The following PCNX4 variants were observed in gnomAD, a reference collection of about 807,000 sequenced individuals.
PCNX4 encodes pecanex 4.
Under a neutral mutation model 107.2 loss-of-function variants are expected in PCNX4, and 103 were observed. That is an observed-to-expected ratio of 0.96 (90% CI 0.82 to 1.13). PCNX4 has a LOEUF of 1.13. Among genes scored for constraint, PCNX4 ranks in the 50% most tolerant of loss-of-function variants. PCNX4 has a pLI of 0.00. For missense variants in PCNX4, 1,528 were observed against 1,379.4 expected (o/e 1.11, Z -1.71); for synonymous variants, 541 against 481.7 (o/e 1.12, Z -1.61).
At position 60,121,198 on chromosome 14, in the gene PCNX4, C is replaced by G; in HGVS notation, c.1945C>G (p.Leu649Val). The part of the protein sequence containing the change: ...QTAMAAGSLG[L>V]LLPGSHYLGR... ...TTTTTTTTTCTAATTTGTTGTAGGT[C>G]TCCTCCTACCTGGATCTCATTACTT... Residue 649 changes from leucine (L) to valine (V), a missense_variant and splice_region_variant, in exon 8 of 11, where the codon CTC becomes GTC. Transcript: ENST00000406854. 8.3e-7 allele frequency: 1 copy of G among 1,207,848 alleles called. No homozygotes were observed. Among genetic ancestry groups the G allele is most frequent in the Non-Finnish European group, 1.1e-6 (1 of 897,250 alleles). 74.8% of individuals were successfully genotyped at this position (1,207,848 alleles called of 1,614,324 possible).
At chr14:60,125,309 T>TAGAA in intron 9 of PCNX4, 58 bp downstream of exon 9, 1 of 1,377,750 alleles carries the variant, frequency 7.3e-7, no homozygotes, top group Non-Finnish European at 9.6e-7. Flanking sequence ...CTGATTTTTC[T>TAGAA]AAATCACGTA....
chr14:60,118,767 A>C, intron 7 of PCNX4, 75 bp downstream of exon 7: 2 of 1,428,728 alleles, frequency 1.4e-6, no homozygotes, highest in Non-Finnish European at 1.8e-6. Context: ...ACAGGAAAAC[A>C]ATCTTTTTAT....
At chr14:60,100,265 C>T (rs1053610856) in intron 1 of PCNX4, among the ~76,000 whole-genome samples, 1 of 152,084 alleles carries the variant, frequency 6.6e-6, no homozygotes, top group African/African-American at 2.4e-5. Context: ...CACACACACA[C>T]GCCCCCAAAC....
In PCNX4 at chr14:60,145,773, CTT is replaced by C. The variant is rs761746905; in HGVS notation, c.*11555_*11556del. The C allele has an allele frequency of 1.5e-4, 23 of 152,194 alleles. No individual in the cohort carries two copies. Among genetic ancestry groups the C allele is most frequent in the Non-Finnish European group, 3.1e-4 (21 of 67,996 alleles). 9.4% of individuals were successfully genotyped at this position (152,194 alleles called of 1,614,324 possible). A position where few individuals can be genotyped will look rare whatever the true frequency, so the allele number is the denominator to read the frequency against. ...TGATAATCCCCAAGATGTGATGTTT[CTT>C]TTCAGAAGATATGCATTTACCACTT... On this transcript the variant is annotated 3_prime_UTR_variant, in exon 11 of 11. Coordinates refer to ENST00000406854, the MANE Select transcript of PCNX4 (RefSeq NM_001330177.2). This position sits in a 1 kb window ranked among gnomAD's most constrained non-coding sequence, Gnocchi z 4.0.
chr14:60,107,499 G>A (rs747562121), intron 1 of PCNX4, 87 bp from the exon 2 acceptor site: 20 of 709,526 alleles, frequency 2.8e-5, no homozygotes, highest in Non-Finnish European at 4.6e-5. Flanking sequence ...AAGGAAGTGA[G>A]GAGATGAAAT....
Position 60,108,202 on chromosome 14 carries a change from A to C in PCNX4, c.564A>C (p.Glu188Asp). ...FFGWMTLCIA[E>D]YSLIVNTATE... is the part of the protein sequence containing the mutation. ...GATGGATGACACTATGTATAGCAGA[A>C]TATTCTTTAATTGTAAACACAGCTA... Residue 188 changes from glutamate (E) to aspartate (D), a missense_variant, in exon 2 of 11, where the codon GAA (glutamate) becomes GAC (aspartate). Physicochemically the swap from Glu to Asp is conservative, Grantham distance 45 (BLOSUM62 2). Coordinates refer to ENST00000406854, the MANE Select transcript of PCNX4 (RefSeq NM_001330177.2). 2 of 1,612,840 alleles carry C rather than the reference A, an allele frequency of 1.2e-6. No individual in the cohort carries two copies. Among genetic ancestry groups the C allele is most frequent in the Non-Finnish European group, 1.7e-6 (2 of 1,179,818 alleles).
intron 8 of PCNX4, among the ~76,000 whole-genome samples, chr14:60,123,068 T>G (rs558128094): frequency 1.3e-5 from 2 of 152,180 alleles, no homozygotes; most frequent in East Asian, 1.9e-4. Flanking sequence ...CACCTACAGA[T>G]TGAGAACCTC....
chr14:60,118,415 A>G lies in PCNX4; in HGVS notation c.1665A>G (p.Lys555=). 6.2e-7 allele frequency: 1 copy of G among 1,613,528 alleles called. No homozygotes were observed. ...VTVLLTSWTE[K]KQRRKTTATL... Reference sequence around the variant, plus strand: ...TGCTTTTGACATCATGGACAGAGAAAAAACAACGTCGAAAAACAACTGCCA... The same window carrying G: ...TGCTTTTGACATCATGGACAGAGAAGAAACAACGTCGAAAAACAACTGCCA... The change falls in exon 7 of 11, where the codon AAA becomes AAG. Residue 555 remains lysine (K), a synonymous_variant. Coordinates refer to ENST00000406854, the MANE Select transcript of PCNX4 (RefSeq NM_001330177.2).
At chr14:60,118,247 T>A in intron 6 of PCNX4, 82 bp from the exon 7 acceptor site, 1 of 1,364,970 alleles carries the variant, frequency 7.3e-7, no homozygotes, top group Non-Finnish European at 9.5e-7. Flanking sequence ...ATAAAATTAC[T>A]GTATAGTCTG....
At chr14:60,099,833 G>A (rs1324428379) in intron 1 of PCNX4, among the ~76,000 whole-genome samples, 1 of 152,116 alleles carries the variant, frequency 6.6e-6, no homozygotes, top group Non-Finnish European at 1.5e-5. Context: ...GGAGGCTGAG[G>A]CAGGCAGATC....
rs772735988 is a variant in PCNX4 at position 60,134,012 on chromosome 14, A to G, written c.3310A>G (p.Ile1104Val). The G allele has an allele frequency of 1.2e-5, 19 of 1,613,406 alleles. No individual in the cohort carries two copies. The highest frequency in any genetic ancestry group is 1.5e-5 in the Non-Finnish European group (18 of 1,179,594). Reference protein sequence around the residue: ...GRVLSLQELLIQVGKLNPEAV... With the variant: ...GRVLSLQELLVQVGKLNPEAV... The stretch of plus-strand genomic sequence containing the variant: ...AGTGCTTAGCCTTCAAGAATTATTG[A>G]TCCAAGTGGGAAAGTTAAATCCTGA... Residue 1104 changes from isoleucine to valine, a missense_variant, in exon 11 of 11, where the codon ATC becomes GTC. Transcript: ENST00000406854.
Position 60,108,053 on chromosome 14 carries a change from A to G in PCNX4, c.415A>G (p.Asn139Asp), listed in dbSNP as rs1895664026. The G allele has an allele frequency of 6.2e-7, 1 of 1,612,790 alleles. No homozygotes were observed. The highest frequency in any genetic ancestry group is 1.7e-5 in the Admixed American group (1 of 60,010). ...CATTCCTGGCAAGAAATATGTAGCC[A>G]ATACAGTTTTTCATTCTATTCTTGC... ...FLIPGKKYVA[N>D]TVFHSILAGL... Residue 139 changes from asparagine to aspartate, a missense_variant, in exon 2 of 11, where the codon AAT (asparagine) becomes GAT (aspartate). Coordinates refer to ENST00000406854, the MANE Select transcript of PCNX4 (RefSeq NM_001330177.2).
At chr14:60,105,557 G>C (rs766978226) in intron 1 of PCNX4, among the ~76,000 whole-genome samples, 6 of 152,092 alleles carry the variant, frequency 3.9e-5, no homozygotes, top group Non-Finnish European at 8.8e-5. Context: ...GATACAAATG[G>C]AATCAGTAGG....
At chr14:60,093,327 T>C (rs1895347271) in intron 1 of PCNX4, among the ~76,000 whole-genome samples, 1 of 152,140 alleles carries the variant, frequency 6.6e-6, no homozygotes, top group Non-Finnish European at 1.5e-5. Context: ...AAGAAACCTT[T>C]TACCCTCAGC....
chr14:60,133,873 T>G, intron 10 of PCNX4, 97 bp from the exon 11 acceptor site: 2 of 1,268,114 alleles, frequency 1.6e-6, no homozygotes, highest in Non-Finnish European at 2.1e-6. Context: ...TTTGCCTAAT[T>G]ACAATGCAAT....
intron 7 of PCNX4, among the ~76,000 whole-genome samples, chr14:60,119,268 C>T (rs1210711858): frequency 6.6e-6 from 1 of 152,134 alleles, no homozygotes; most frequent in African/African-American, 2.4e-5. Flanking sequence ...TGACAGTAAA[C>T]TAATGTTATG....
Position 60,107,910 on chromosome 14 carries a change from G to A in PCNX4, c.272G>A (p.Ser91Asn). Residue 91 changes from serine to asparagine, a missense_variant, in exon 2 of 11, where the codon AGT (serine) becomes AAT (asparagine). Physicochemically the swap from Ser to Asn is conservative, Grantham distance 46 (BLOSUM62 1). Coordinates refer to ENST00000406854, the MANE Select transcript of PCNX4 (RefSeq NM_001330177.2). ...ACTGCATTTGTCATCCAGTTCACAA[G>A]TTTATACGCCAAAAACAAATCAACA... is the stretch of plus-strand genomic sequence containing the variant. ...LFTAFVIQFT[S>N]LYAKNKSTTV... is the part of the protein sequence containing the mutation. 6.2e-7 allele frequency: 1 copy of A among 1,612,852 alleles called. No homozygotes were observed. The highest frequency in any genetic ancestry group is 8.5e-7 in the Non-Finnish European group (1 of 1,179,896).
chr14:60,103,033 C>A (rs1478232441), intron 1 of PCNX4, among the ~76,000 whole-genome samples: 2 of 152,130 alleles, frequency 1.3e-5, no homozygotes, highest in African/African-American at 2.4e-5. Context: ...ACTCTTTAAT[C>A]CTTAAAAAGA....
At position 60,099,010 on chromosome 14, in the gene PCNX4, A is replaced by G. The variant is rs2140529663; in HGVS notation, c.-54+6591A>G. The stretch of plus-strand genomic sequence containing the variant: ...TCTATCCATGGCATGGCATTCGGTT[A>G]AGATTCCATAGAGTATTTTCCGGAT... On this transcript the variant is annotated intron_variant, in intron 1 of 10. Coordinates refer to ENST00000406854, the MANE Select transcript of PCNX4 (RefSeq NM_001330177.2). 2.0e-5 allele frequency among the ~76,000 whole-genome samples: 3 copies of G among 152,174 alleles called. No homozygotes were observed. The Middle Eastern group carries it at 0.01, about 521-fold the overall frequency.
Sources: gnomAD v4.1 joint callset for allele counts (sites outside exome capture counted in the v4.1 genomes callset) on GRCh38, gnomAD v4.1.1 for gene constraint, Gnocchi (gnomAD v3.1) non-coding constraint, MANE v1.5 for transcripts, NCBI Gene and HGNC (gene_info 2026-07-23, HGNC 2026-07-21) for gene names.